Variants in FARP1 observed in about 807,000 individuals in gnomAD.
FARP1 encodes FERM, ARH/RhoGEF and pleckstrin domain protein 1.
Under a neutral mutation model 128.8 loss-of-function variants are expected in FARP1, and 52 were observed. The observed-to-expected ratio is 0.40, with a 90% confidence interval of 0.32 to 0.51. The LOEUF (loss-of-function observed/expected upper bound fraction) is 0.51. FARP1 is among the 20% of genes least tolerant of loss of function. The pLI is 0.45. For synonymous variants in FARP1, 580 were observed against 551.8 expected, an observed-to-expected ratio of 1.05 and a Z score of -0.72; for missense variants, 1,333 against 1,367.9, an observed-to-expected ratio of 0.97 and a Z score of 0.40.
At chr13:98,379,633 A>T (rs1479362050) in intron 6 of FARP1, among the ~76,000 whole-genome samples, 1 of 152,180 alleles carries the variant, frequency 6.6e-6, no homozygotes, top group African/African-American at 2.4e-5. Flanking sequence ...AAAACTGAGG[A>T]TGCTCACGTC....
chr13:98,330,549 G>A (rs1368075461), intron 2 of FARP1, among the ~76,000 whole-genome samples: 1 of 152,152 alleles, frequency 6.6e-6, no homozygotes, highest in East Asian at 1.9e-4. Flanking sequence ...GAAGTCAGGA[G>A]TTCGAGACCA....
chr13:98,339,248 C>G (rs78571124), intron 2 of FARP1, among the ~76,000 whole-genome samples: 1 of 152,180 alleles, frequency 6.6e-6, no homozygotes, highest in African/African-American at 2.4e-5. Context: ...CCTCAGGAAA[C>G]TTACAGTCAC....
chr13:98,437,928 G>A (rs1411312406), intron 19 of FARP1: 15 of 1,171,744 alleles, frequency 1.3e-5, no homozygotes, highest in African/African-American at 7.5e-5. Context: ...TCATCAGGCC[G>A]CCACACATCC....
chr13:98,212,868 G>C (rs1880816198), intron 1 of FARP1, among the ~76,000 whole-genome samples: 1 of 152,186 alleles, frequency 6.6e-6, no homozygotes, highest in Non-Finnish European at 1.5e-5. Context: ...GGATGCTAAT[G>C]ATATGGTTTA....
intron 2 of FARP1, among the ~76,000 whole-genome samples, chr13:98,339,984 CGTT>C (rs1472366430): frequency 6.6e-6 from 1 of 152,140 alleles, no homozygotes; most frequent in Admixed American, 6.5e-5. Flanking sequence ...GCTGCTGACT[CGTT>C]GGAGTACCCA....
At chr13:98,303,364 C>G (rs1885999742) in intron 2 of FARP1, among the ~76,000 whole-genome samples, 1 of 152,236 alleles carries the variant, frequency 6.6e-6, no homozygotes, top group African/African-American at 2.4e-5. Flanking sequence ...GAACTGTATA[C>G]TTACAGTAGT....
chr13:98,333,821 A>G (rs1200950253), intron 2 of FARP1: 4 of 151,516 alleles, frequency 2.6e-5, no homozygotes, highest in Non-Finnish European at 5.9e-5. Context: ...GCCTTGTTCC[A>G]GCTCCCCAGG....
chr13:98,393,506 A>T, intron 11 of FARP1, 137 bp from the exon 12 acceptor site: 1 of 665,164 alleles, frequency 1.5e-6, no homozygotes, highest in South Asian at 1.7e-5. Flanking sequence ...TAGCATTTGT[A>T]AAGGCGGCTC....
intron 3 of FARP1, among the ~76,000 whole-genome samples, chr13:98,354,089 C>T (rs756251444): frequency 1.3e-5 from 2 of 152,220 alleles, no homozygotes; most frequent in Non-Finnish European, 2.9e-5. Context: ...AAACCCCACA[C>T]ATTGCATTGT....
intron 2 of FARP1, among the ~76,000 whole-genome samples, chr13:98,306,528 G>T (rs636343): frequency 0.79 from 115,624 of 146,844 alleles, 44,545 homozygotes; most frequent in African/African-American, 0.86. Flanking sequence ...TTTCTTTTTT[G>T]TTTTGAGAAA....
intron 3 of FARP1, among the ~76,000 whole-genome samples, chr13:98,364,081 T>C (rs586939): frequency 0.53 from 81,011 of 152,114 alleles, 22,453 homozygotes; most frequent in Non-Finnish European, 0.6. Flanking sequence ...TGTGTCATAA[T>C]GATGTACATT....
At chr13:98,249,894 A>G (rs1363791969) in intron 2 of FARP1, among the ~76,000 whole-genome samples, 2 of 152,216 alleles carry the variant, frequency 1.3e-5, no homozygotes, top group African/African-American at 2.4e-5. Context: ...TACATATGCG[A>G]TGTTTGACAG....
intron 2 of FARP1, among the ~76,000 whole-genome samples, chr13:98,287,600 C>A (rs778866977): frequency 6.6e-6 from 1 of 152,036 alleles, no homozygotes; most frequent in African/African-American, 2.4e-5. Context: ...TTGACTGATT[C>A]TAGATTGTTT....
intron 15 of FARP1, 49 bp from the exon 16 acceptor site, chr13:98,411,852 C>T (rs1377738615): frequency 1.9e-6 from 3 of 1,595,954 alleles, no homozygotes; most frequent in East Asian, 4.5e-5. Context: ...ACTGCAGACA[C>T]TCGTCATTGA....
At chr13:98,394,005 G>T (rs751323510) in intron 12 of FARP1, among the ~76,000 whole-genome samples, 1 of 152,200 alleles carries the variant, frequency 6.6e-6, no homozygotes, top group Non-Finnish European at 1.5e-5. Flanking sequence ...AACCATCGCG[G>T]CAGTGGGCAG....
chr13:98,396,065 A>G, intron 13 of FARP1: 4 of 399,120 alleles, frequency 1.0e-5, no homozygotes, highest in South Asian at 1.3e-4. Flanking sequence ...GGTAGATGTA[A>G]TAAGTCAGAG....
At chr13:98,184,875 C>A (rs564724161) in intron 1 of FARP1, among the ~76,000 whole-genome samples, 9 of 152,174 alleles carry the variant, frequency 5.9e-5, no homozygotes, top group Non-Finnish European at 1.2e-4. Context: ...TGACAAGATA[C>A]TTTGAACAGG....
At chr13:98,175,786 C>T (rs1877966901) in intron 1 of FARP1, 1 of 214,670 alleles carries the variant, frequency 4.7e-6, no homozygotes, top group East Asian at 1.1e-4. Context: ...GCGTATTGGT[C>T]ATTTTGTGAC....
At chr13:98,315,220 C>A (rs1886669183) in intron 2 of FARP1, among the ~76,000 whole-genome samples, 1 of 152,118 alleles carries the variant, frequency 6.6e-6, no homozygotes, top group South Asian at 2.1e-4. Flanking sequence ...AGCCACAGTA[C>A]ACCTCAGCCT....
Sources: allele counts gnomAD v4.1 joint callset (sites outside exome capture counted in the v4.1 genomes callset), GRCh38; gene constraint gnomAD v4.1.1; transcripts MANE v1.5; gene names NCBI Gene and HGNC (gene_info 2026-07-23, HGNC 2026-07-21).